CTNNA2: variants seen among roughly 807,000 people sequenced by gnomAD.
CTNNA2 encodes the protein catenin alpha-2.
CTNNA2 carries 42 observed loss-of-function variants against 101.0 expected under a neutral mutation model. The observed-to-expected ratio is 0.42, with a 90% CI of 0.32 to 0.54. The LOEUF is 0.54. Among genes scored for constraint, CTNNA2 ranks in the 20% least tolerant of loss-of-function variants. The pLI, the probability that CTNNA2 is intolerant of heterozygous loss-of-function variation, is 0.14. For missense variants in CTNNA2, 871 were observed against 1,223.1 expected (o/e 0.71, Z 4.29); for synonymous variants, 450 against 456.4 (o/e 0.99, Z 0.18).
intron 2 of CTNNA2, among the ~76,000 whole-genome samples, chr2:79,220,760 T>C (rs768896047): frequency 2.0e-5 from 3 of 152,190 alleles, no homozygotes; most frequent in Non-Finnish European, 4.4e-5. Flanking sequence ...TAAGTTATAT[T>C]CTAGCATGAC....
intron 7 of CTNNA2, among the ~76,000 whole-genome samples, chr2:80,088,524 C>T (rs977612030): frequency 6.6e-6 from 1 of 152,094 alleles, no homozygotes; most frequent in East Asian, 1.9e-4. Flanking sequence ...ATTTATTCAA[C>T]AAGTCTATAA....
At chr2:80,161,057 T>C (rs1041101748) in intron 7 of CTNNA2, among the ~76,000 whole-genome samples, 22 of 152,194 alleles carry the variant, frequency 1.4e-4, no homozygotes, top group Non-Finnish European at 2.9e-5. Flanking sequence ...TTAGCTTTTT[T>C]CTTGAGACAG....
rs560229358 is a variant in CTNNA2 at position 79,441,325 on chromosome 2, C to T, written c.-134-63729C>T. ...TAGGCAATATGTATCATCTCTACAA[C>T]TGAAGACATTTCAATTATTGTATTT... On this transcript the variant is annotated intron_variant, in intron 4 of 21. Coordinates refer to the CTNNA2 transcript ENST00000466387. Among the ~76,000 whole-genome samples the T allele has an allele frequency of 1.1e-4, 16 of 152,282 alleles. No homozygotes were observed. The South Asian group carries it at 3.3e-3, about 32-fold the overall frequency.
At chr2:80,375,351 G>A (rs976566647) in intron 7 of CTNNA2, among the ~76,000 whole-genome samples, 1 of 152,008 alleles carries the variant, frequency 6.6e-6, no homozygotes, top group Non-Finnish European at 1.5e-5. Context: ...ATACAGTTTG[G>A]TTCTTATAAA....
intron 4 of CTNNA2, among the ~76,000 whole-genome samples, chr2:79,379,069 A>G (rs11691007): frequency 0.84 from 127,275 of 152,140 alleles, 53,765 homozygotes; most frequent in African/African-American, 0.95. Flanking sequence ...TACTGAAATC[A>G]TATGCATTAA....
intron 6 of CTNNA2, among the ~76,000 whole-genome samples, chr2:79,884,424 C>G (rs559458549): frequency 1.1e-4 from 16 of 152,300 alleles, no homozygotes; most frequent in Admixed American, 6.5e-4. Flanking sequence ...CTCAGGCACT[C>G]TACCTGAGTG....
At chr2:79,195,607 T>C (rs1342950634) in intron 1 of CTNNA2, among the ~76,000 whole-genome samples, 1 of 152,132 alleles carries the variant, frequency 6.6e-6, no homozygotes, top group Non-Finnish European at 1.5e-5. Flanking sequence ...ACTCACAGAA[T>C]CAGAAGAATG....
chr2:80,538,538 C>G (rs1185260728), intron 9 of CTNNA2, among the ~76,000 whole-genome samples: 2 of 151,996 alleles, frequency 1.3e-5, no homozygotes, highest in Non-Finnish European at 2.9e-5. Context: ...TGGTTATAGG[C>G]ATGTGGTGTT....
chr2:80,635,367 T>G (rs1672768513), intron 18 of CTNNA2, among the ~76,000 whole-genome samples: 1 of 152,172 alleles, frequency 6.6e-6, no homozygotes, highest in African/African-American at 2.4e-5. Flanking sequence ...TAAAACTAAT[T>G]TAGTTAAAAT....
intron 7 of CTNNA2, among the ~76,000 whole-genome samples, chr2:79,914,146 G>A (rs1204423192): frequency 7.8e-6 from 1 of 127,654 alleles, no homozygotes; most frequent in African/African-American, 3.0e-5. Context: ...CAGCCTGGGC[G>A]ACAGAGCGAG....
At chr2:80,599,574 T>C (rs1183941829) in intron 15 of CTNNA2, among the ~76,000 whole-genome samples, 1 of 152,130 alleles carries the variant, frequency 6.6e-6, no homozygotes, top group Non-Finnish European at 1.5e-5. Context: ...TTCCCTTCTC[T>C]TCTGTTCATG....
intron 2 of CTNNA2, among the ~76,000 whole-genome samples, chr2:79,214,667 G>A (rs1024476720): frequency 2.2e-4 from 34 of 152,050 alleles, no homozygotes; most frequent in Non-Finnish European, 2.6e-4. Context: ...TGGGTAAGGT[G>A]GGGGGATACG....
At position 79,944,384 on chromosome 2, in the gene CTNNA2, C is replaced by T. The variant is rs186085377; in HGVS notation, c.1056+34587C>T. On this transcript the variant is annotated intron_variant, in intron 7 of 18. Coordinates refer to ENST00000402739, the MANE Select transcript of CTNNA2 (RefSeq NM_001282597.3). ...TCAGTAAACAAGTCATATATGTACC[C>T]AACTTTAAAGTGATGACTCAGATAT... 3.7e-3 allele frequency among the ~76,000 whole-genome samples: 557 copies of T among 152,234 alleles called. 3 individuals carry two copies. Among genetic ancestry groups the T allele is most frequent in the South Asian group, 0.025 (121 of 4,822 alleles).
In CTNNA2 at chr2:80,543,228, A is replaced by G. The variant is rs144755261; in HGVS notation, c.1291-1754A>G. 6.4e-3 allele frequency among the ~76,000 whole-genome samples: 976 copies of G among 152,342 alleles called. 6 individuals carry two copies. The highest frequency in any genetic ancestry group is 7.4e-3 in the Non-Finnish European group (506 of 68,026). ...GAATACAGATGTAACAAAGATGAAT[A>G]AAAATGTGGAGAGAAGACATTATGA... On this transcript the variant is annotated intron_variant, in intron 9 of 18. Coordinates refer to ENST00000402739, the MANE Select transcript of CTNNA2 (RefSeq NM_001282597.3).
At chr2:80,499,904 T>A (rs1175922772) in intron 9 of CTNNA2, among the ~76,000 whole-genome samples, 1 of 151,514 alleles carries the variant, frequency 6.6e-6, no homozygotes, top group African/African-American at 2.4e-5. Flanking sequence ...CTTTTCTTTT[T>A]ACTTTTGTGT....
chr2:79,913,553 G>A (rs779077215), intron 7 of CTNNA2, among the ~76,000 whole-genome samples: 34 of 152,124 alleles, frequency 2.2e-4, no homozygotes, highest in Non-Finnish European at 4.4e-5. Flanking sequence ...CTGAGAACAG[G>A]CCACAAAGGC....
At chr2:79,479,262 C>T (rs1216039793) in intron 4 of CTNNA2, among the ~76,000 whole-genome samples, 1 of 152,144 alleles carries the variant, frequency 6.6e-6, no homozygotes, top group Admixed American at 6.6e-5. Context: ...GATGCCATGT[C>T]CAAGTCCCCT....
intron 7 of CTNNA2, among the ~76,000 whole-genome samples, chr2:80,023,291 A>C (rs1208057336): frequency 6.6e-6 from 1 of 152,210 alleles, no homozygotes; most frequent in African/African-American, 2.4e-5. Flanking sequence ...TTTTTAAAGA[A>C]AATTGGTGGT....
rs191710684 is a variant in CTNNA2, at chr2:79,665,881, T to C, written c.102+14223T>C. 3.4e-3 allele frequency among the ~76,000 whole-genome samples: 513 copies of C among 152,320 alleles called. 5 individuals carry two copies. Among genetic ancestry groups the C allele is most frequent in the African/African-American group, 0.012 (497 of 41,570 alleles). On this transcript the variant is annotated intron_variant, in intron 2 of 18. Coordinates refer to ENST00000402739, the MANE Select transcript of CTNNA2 (RefSeq NM_001282597.3). ...TATCAACTACTTGAATATGATGTTA[T>C]TACCAAATGTAGCTGTTATTGTAAA...
Sources: allele counts gnomAD v4.1 joint callset (sites outside exome capture counted in the v4.1 genomes callset), GRCh38; gene constraint gnomAD v4.1.1; transcripts MANE v1.5; gene names NCBI Gene and HGNC (gene_info 2026-07-23, HGNC 2026-07-21).